Variants in LARP7 observed in about 807,000 individuals in gnomAD.
The protein encoded by LARP7 is la-related protein 7.
LARP7 carries 52 observed loss-of-function variants against 69.3 expected under a neutral mutation model. The observed-to-expected ratio is 0.75, with a 90% CI of 0.60 to 0.95. The LOEUF (loss-of-function observed/expected upper bound fraction) is 0.95, where lower values mean the gene tolerates loss of function less well. Among genes scored for constraint, LARP7 ranks in the 40% least tolerant of loss-of-function variants. LARP7 has a pLI of 0.00. For missense variants in LARP7, 733 were observed against 673.0 expected (o/e 1.09, Z -0.99); for synonymous variants, 254 against 215.9 (o/e 1.18, Z -1.55).
At chr4:112,638,562 T>C (rs1019889365) in intron 1 of LARP7, among the ~76,000 whole-genome samples, 4 of 152,210 alleles carry the variant, frequency 2.6e-5, no homozygotes, top group Non-Finnish European at 4.4e-5. Flanking sequence ...TGTACCTGCT[T>C]TTTAAATTCT....
chr4:112,650,599 C>G lies in LARP7; in HGVS notation c.1416+17C>G, dbSNP rs776871727. On this transcript the variant is annotated intron_variant, in intron 10 of 12. Coordinates refer to ENST00000344442, the MANE Select transcript of LARP7 (RefSeq NM_016648.4). ...CAAGTCCGGGTAATGATTTTGAGCC[C>G]CTAGGGTATTTGTTCCTTTCTTCTC... 2 of 1,605,134 alleles carry G rather than the reference C, an allele frequency of 1.2e-6. No homozygotes were observed. Among genetic ancestry groups the G allele is most frequent in the Admixed American group, 3.4e-5 (2 of 58,162 alleles).
rs374867509 is a variant in LARP7 at position 112,657,309 on chromosome 4, A to T, written c.1731A>T (p.Arg577Ser). 5.9e-5 allele frequency: 93 copies of T among 1,580,372 alleles called. 2 individuals are homozygous for T. The South Asian group carries it at 8.5e-4, about 14-fold the overall frequency. Residue 577 changes from arginine (R) to serine (S), a missense_variant, in exon 13 of 13, where the codon AGA (arginine) becomes AGT (serine). Physicochemically the swap from Arg to Ser is moderately radical, Grantham distance 110 (BLOSUM62 -1). Coordinates refer to ENST00000344442, the MANE Select transcript of LARP7 (RefSeq NM_016648.4). Reference protein sequence around the residue: ...AKTQQASKHIRFSEYD With the variant: ...AKTQQASKHISFSEYD ...CTCAACAAGCGAGTAAACATATAAG[A>T]TTTTCTGAATATGATTGAAAAAAAA...
chr4:112,652,298 C>A (rs1280898465), intron 10 of LARP7, among the ~76,000 whole-genome samples: 4 of 136,868 alleles, frequency 2.9e-5, no homozygotes, highest in Admixed American at 7.3e-5. Flanking sequence ...AGATTTCCCC[C>A]CCCCCCCCAT....
At chr4:112,648,232 C>T (rs750063201) in intron 8 of LARP7, 1 of 532,724 alleles carries the variant, frequency 1.9e-6, no homozygotes, top group Admixed American at 1.9e-5. Flanking sequence ...AAAGCAAGTA[C>T]ATCCACGTTT....
At chr4:112,638,269 C>CTG (rs2047784284) in intron 1 of LARP7, among the ~76,000 whole-genome samples, 2 of 152,330 alleles carry the variant, frequency 1.3e-5, no homozygotes, top group South Asian at 4.1e-4. Flanking sequence ...GCACTGCAGC[C>CTG]TGGGCCACTG....
At position 112,647,423 on chromosome 4, in the gene LARP7, A is replaced by G. The variant is rs770950781; in HGVS notation, c.871A>G (p.Arg291Gly). 9.3e-6 allele frequency: 15 copies of G among 1,614,162 alleles called. No homozygotes were observed. The East Asian group carries it at 2.0e-4, about 22-fold the overall frequency. The change falls in exon 7 of 13, where the codon AGA becomes GGA. Residue 291 changes from arginine (R) to glycine (G), a missense_variant. Arg to Gly is a moderately radical substitution (Grantham distance 125, BLOSUM62 -2). Coordinates refer to ENST00000344442, the MANE Select transcript of LARP7 (RefSeq NM_016648.4). ...TGAAGCATCTAGCTTACCTGAAGTCAGAACAGGGAAGAGGAAGAGAAGCAG... is the reference window on the plus strand; with the variant it reads ...TGAAGCATCTAGCTTACCTGAAGTCGGAACAGGGAAGAGGAAGAGAAGCAG... Reference protein sequence around the residue: ...RVEASSLPEVRTGKRKRSSSE... With the variant: ...RVEASSLPEVGTGKRKRSSSE...
Position 112,647,483 on chromosome 4 carries a change from A to G in LARP7, c.931A>G (p.Lys311Glu). 3 of 1,613,786 alleles carry G rather than the reference A, an allele frequency of 1.9e-6. No homozygotes were observed. The highest frequency in any genetic ancestry group is 2.5e-6 in the Non-Finnish European group (3 of 1,179,832). ...TGCAGAATCCCTAGCTCCCCGATCA[A>G]AAGTAAAGAAAATTATTCAGAAAGA... The part of the protein sequence containing the change: ...EDAESLAPRS[K>E]VKKIIQKDII... The change falls in exon 7 of 13, where the codon AAA becomes GAA. Residue 311 changes from lysine (K) to glutamate (E), a missense_variant. Transcript: ENST00000344442.
rs780633396 is a variant in LARP7, at chr4:112,650,522, G to A, written c.1356G>A (p.Val452=). The change falls in exon 10 of 13, where the codon GTG becomes GTA. Residue 452 remains valine (V), a synonymous_variant. Transcript: ENST00000344442. ...TTAATGCAACAGGACCACAGTTCGT[G>A]AGTGGAGTGATTGTGAAGATCATTA... ...EKVNATGPQF[V]SGVIVKIIST... The A allele has an allele frequency of 6.2e-7, 1 of 1,613,690 alleles. No individual in the cohort carries two copies. The highest frequency in any genetic ancestry group is 1.7e-5 in the Admixed American group (1 of 59,978).
At chr4:112,646,274 GA>G in intron 2 of LARP7, 76 bp from the exon 3 acceptor site, 1 of 720,064 alleles carries the variant, frequency 1.4e-6, no homozygotes, top group Non-Finnish European at 2.3e-6. Flanking sequence ...CTGAGGGCCT[GA>G]GGGGCAGGTT....
chr4:112,646,060 A>G (rs978663765), intron 2 of LARP7, among the ~76,000 whole-genome samples: 1 of 151,754 alleles, frequency 6.6e-6, no homozygotes, highest in Non-Finnish European at 1.5e-5. Flanking sequence ...GCTCACTGCA[A>G]CCTCTGCCTC....
intron 12 of LARP7, chr4:112,654,824 G>T (rs911528181): frequency 3.3e-5 from 5 of 152,084 alleles, no homozygotes; most frequent in Non-Finnish European, 7.4e-5. Context: ...TTTTAAAAGT[G>T]CCTGGAACAA....
intron 1 of LARP7, chr4:112,638,131 A>G (rs2047771407): frequency 6.6e-6 from 1 of 152,234 alleles, no homozygotes; most frequent in Non-Finnish European, 1.5e-5. Flanking sequence ...TCTCGTCTCT[A>G]CTAAAAACAC....
At chr4:112,648,851 CT>C (rs58275837) in intron 8 of LARP7, 1,584 of 148,912 alleles carry the variant, frequency 0.011, no homozygotes, top group South Asian at 0.037. Context: ...GGTCTGGATC[CT>C]TTTTTTTTTT....
intron 11 of LARP7, 120 bp downstream of exon 11, chr4:112,653,356 CTGGA>C (rs2048831720): frequency 1.4e-6 from 1 of 725,530 alleles, no homozygotes; most frequent in African/African-American, 1.8e-5. Flanking sequence ...GTCGCTCAGG[CTGGA>C]GTACAGTGGT....
chr4:112,637,747 A>G (rs1405628543), intron 1 of LARP7: 1 of 152,234 alleles, frequency 6.6e-6, no homozygotes, highest in East Asian at 1.9e-4. Flanking sequence ...ACTTAAGAGA[A>G]AACAAATGAT....
intron 10 of LARP7, among the ~76,000 whole-genome samples, chr4:112,651,034 G>A (rs1234531115): frequency 6.6e-6 from 1 of 152,050 alleles, no homozygotes; most frequent in Non-Finnish European, 1.5e-5. Context: ...GCTTTATACA[G>A]TCTATCTTCT....
At chr4:112,645,669 A>T (rs1291417221) in intron 2 of LARP7, 1 of 443,896 alleles carries the variant, frequency 2.3e-6, no homozygotes, top group Middle Eastern at 3.9e-4. Context: ...ACAGGCAAGC[A>T]TCACCAGGCC....
chr4:112,655,944 A>G (rs2048936759), intron 12 of LARP7, among the ~76,000 whole-genome samples: 2 of 152,216 alleles, frequency 1.3e-5, no homozygotes. Context: ...TACTAGGAGC[A>G]TCTTAGTAAG....
rs1448729507 is a variant in LARP7, at chr4:112,646,480, A to G, written c.303+29A>G. 3 of 1,375,782 alleles carry G rather than the reference A, an allele frequency of 2.2e-6. No homozygotes were observed. In the East Asian group the frequency reaches 7.2e-5, roughly 33 times the overall value. The allele number at this position is 1,375,782 out of a possible 1,614,324, so 85.2% of individuals were successfully genotyped here. A position where few individuals can be genotyped will look rare whatever the true frequency, so the allele number is the denominator to read the frequency against. ...AGAATCAAGAATAACTACTGTTTAT[A>G]TTTATAGTTTATAATTATAAAGAAT... On this transcript the variant is annotated intron_variant, in intron 3 of 12. Coordinates refer to ENST00000344442, the MANE Select transcript of LARP7 (RefSeq NM_016648.4).
Sources: allele counts gnomAD v4.1 joint callset (sites outside exome capture counted in the v4.1 genomes callset), GRCh38; gene constraint gnomAD v4.1.1; transcripts MANE v1.5; gene names NCBI Gene and HGNC (gene_info 2026-07-23, HGNC 2026-07-21).